Variants in SLC25A48 observed in about 807,000 individuals in gnomAD.
The protein encoded by SLC25A48 is solute carrier family 25 member 48.
SLC25A48 carries 29 observed loss-of-function variants against 32.2 expected under a neutral mutation model. The ratio of observed to expected loss-of-function variants is 0.90; its 90% CI spans 0.67 to 1.23. SLC25A48 has a LOEUF of 1.23. Among genes scored for constraint, SLC25A48 ranks in the 50% most tolerant of loss-of-function variants. The pLI, the probability that SLC25A48 is intolerant of heterozygous loss-of-function variation, is 0.00. For synonymous variants in SLC25A48, 164 were observed against 172.3 expected, an observed-to-expected ratio of 0.95 and a Z score of 0.38; for missense variants, 399 against 422.7, an observed-to-expected ratio of 0.94 and a Z score of 0.49.
At chr5:135,637,741 T>G (rs1272052793) in intron 3 of SLC25A48, among the ~76,000 whole-genome samples, 1 of 152,208 alleles carries the variant, frequency 6.6e-6, no homozygotes, top group African/African-American at 2.4e-5. Context: ...CTGTTCTTTG[T>G]TAAGGTGGCA....
chr5:135,734,733 C>T (rs571340296), intron 3 of SLC25A48, among the ~76,000 whole-genome samples: 6 of 150,028 alleles, frequency 4.0e-5, no homozygotes, highest in South Asian at 2.1e-4. Flanking sequence ...AGGAGAGTGG[C>T]GTGAACCTGG....
intron 3 of SLC25A48, among the ~76,000 whole-genome samples, chr5:135,739,628 C>A (rs79550968): frequency 1.6e-3 from 251 of 152,342 alleles, no homozygotes; most frequent in Middle Eastern, 3.4e-3. Flanking sequence ...GTCCCATCAT[C>A]CTGCTGGATT....
chr5:135,668,221 A>G (rs1293669707), intron 3 of SLC25A48, among the ~76,000 whole-genome samples: 1 of 152,388 alleles, frequency 6.6e-6, no homozygotes, highest in East Asian at 1.9e-4. Context: ...AGATTTCATC[A>G]TAATGACCAA....
intron 7 of SLC25A48, among the ~76,000 whole-genome samples, chr5:135,881,035 G>A: frequency 6.6e-6 from 1 of 152,010 alleles, no homozygotes; most frequent in Non-Finnish European, 1.5e-5. Context: ...AATGGTGCCT[G>A]GCACAGAGCC....
rs1314091193 is a variant in SLC25A48, at chr5:135,865,151, C to CT, written c.422-6309dup. 2.0e-5 allele frequency among the ~76,000 whole-genome samples: 3 copies of CT among 152,336 alleles called. No homozygotes were observed. The East Asian group carries it at 5.8e-4, about 29-fold the overall frequency. The stretch of plus-strand genomic sequence containing the variant: ...CTGCCTTTCACAGATCATGAGGAAA[C>CT]TAAGACCCAGTGAGATTGAATCTCT... On this transcript the variant is annotated intron_variant, in intron 4 of 7. Transcript: ENST00000681962.
At position 135,842,432 on chromosome 5, in the gene SLC25A48, C is replaced by T. The variant is rs367967511; in HGVS notation, c.63C>T (p.Ile21=). ...AGWIGGAASV[I]VGHPLDTVKT... ...GATCCACAGGTGCAGCCAGTGTCATCGTTGGCCACCCTCTGGACACAGTCA... is the reference window on the plus strand; with the variant it reads ...GATCCACAGGTGCAGCCAGTGTCATTGTTGGCCACCCTCTGGACACAGTCA... The change falls in exon 2 of 8, where the codon ATC becomes ATT. Residue 21 remains isoleucine, a synonymous_variant. Transcript: ENST00000681962. 2.2e-5 allele frequency: 36 copies of T among 1,613,736 alleles called. No homozygotes were observed. Among genetic ancestry groups the T allele is most frequent in the Middle Eastern group, 1.6e-4 (1 of 6,074 alleles).
chr5:135,879,450 C>G (rs914525251), intron 6 of SLC25A48, among the ~76,000 whole-genome samples: 2 of 152,086 alleles, frequency 1.3e-5, no homozygotes, highest in African/African-American at 4.8e-5. Flanking sequence ...CGTGCCTCAA[C>G]CCCATGTCTG....
rs371598859 is a variant in SLC25A48, at chr5:135,588,528, C to T, written c.-849+8931C>T. On this transcript the variant is annotated intron_variant, in intron 1 of 10. Transcript: ENST00000646290. The stretch of plus-strand genomic sequence containing the variant: ...TGCAGGCCAGAGAGGCCCTTGCCAG[C>T]AGGCTGAGAGAATACTTCAAATGAG... Among the ~76,000 whole-genome samples the T allele has an allele frequency of 1.9e-4, 29 of 152,346 alleles. No homozygotes were observed. The East Asian group carries it at 1.9e-3, about 10-fold the overall frequency.
intron 1 of SLC25A48, among the ~76,000 whole-genome samples, chr5:135,599,976 G>GA (rs74711569): frequency 1.5e-3 from 222 of 145,316 alleles, no homozygotes; most frequent in Middle Eastern, 3.5e-3. Context: ...ACATATCTAA[G>GA]AAAAAAAAAA....
intron 3 of SLC25A48, among the ~76,000 whole-genome samples, chr5:135,677,859 G>A (rs4323227): frequency 0.81 from 123,926 of 152,110 alleles, 50,726 homozygotes; most frequent in Middle Eastern, 0.9. Flanking sequence ...TTCCTCACCT[G>A]TAAGGTTTCT....
chr5:135,767,198 G>A (rs878915695), intron 3 of SLC25A48, among the ~76,000 whole-genome samples: 9 of 113,582 alleles, frequency 7.9e-5, no homozygotes, highest in Admixed American at 2.7e-4. Flanking sequence ...CCCCCCCCCC[G>A]TGATATGGTT....
At chr5:135,682,256 G>A (rs1753914332) in intron 3 of SLC25A48, among the ~76,000 whole-genome samples, 1 of 152,174 alleles carries the variant, frequency 6.6e-6, no homozygotes, top group Non-Finnish European at 1.5e-5. Flanking sequence ...TCTGAGCCCT[G>A]CAGTCTGATG....
intron 3 of SLC25A48, among the ~76,000 whole-genome samples, chr5:135,753,342 T>C (rs1026162595): frequency 2.0e-5 from 3 of 151,968 alleles, no homozygotes; most frequent in Non-Finnish European, 2.9e-5. Flanking sequence ...ACCCGCACTA[T>C]GATAGTAGCA....
chr5:135,883,327 G>T, intron 7 of SLC25A48: 1 of 985,388 alleles, frequency 1.0e-6, no homozygotes. Context: ...ACAAACAAAC[G>T]AACAGAACAA....
intron 3 of SLC25A48, among the ~76,000 whole-genome samples, chr5:135,646,861 C>G (rs1752976433): frequency 1.3e-5 from 2 of 151,122 alleles, no homozygotes; most frequent in Admixed American, 1.3e-4. Context: ...CATAAAGTTT[C>G]AATTATACAG....
chr5:135,606,417 A>G (rs1368847284), intron 1 of SLC25A48, among the ~76,000 whole-genome samples: 1 of 152,228 alleles, frequency 6.6e-6, no homozygotes, highest in Non-Finnish European at 1.5e-5. Flanking sequence ...TTAATCCTCT[A>G]AGTGGACAAA....
chr5:135,832,099 G>A (rs991726232), upstream of SLC25A48, among the ~76,000 whole-genome samples: 1 of 152,184 alleles, frequency 6.6e-6, no homozygotes, highest in Non-Finnish European at 1.5e-5. Flanking sequence ...CGGAGGAAGA[G>A]AGAGTTCATC....
chr5:135,592,220 G>A (rs1751543614), intron 1 of SLC25A48, among the ~76,000 whole-genome samples: 1 of 152,220 alleles, frequency 6.6e-6, no homozygotes, highest in African/African-American at 2.4e-5. Flanking sequence ...GGTGGCAGGA[G>A]GAGAAACATG....
chr5:135,759,204 T>C (rs1407518915), intron 3 of SLC25A48, among the ~76,000 whole-genome samples: 1 of 152,126 alleles, frequency 6.6e-6, no homozygotes, highest in Non-Finnish European at 1.5e-5. Flanking sequence ...ATGAAGAATA[T>C]CATTTATGAT....
Sources: gnomAD v4.1 joint callset for allele counts (sites outside exome capture counted in the v4.1 genomes callset) on GRCh38, gnomAD v4.1.1 for gene constraint, MANE v1.5 for transcripts, NCBI Gene and HGNC (gene_info 2026-07-23, HGNC 2026-07-21) for gene names.